Variants in SLC24A2 observed in about 807,000 individuals in gnomAD.
The protein encoded by SLC24A2 is solute carrier family 24 member 2.
In SLC24A2, 36 loss-of-function variants were observed where a neutral mutation model predicts 62.0. That is an observed-to-expected ratio of 0.58 (90% CI 0.44 to 0.77). The LOEUF is 0.77. Ranked by LOEUF, SLC24A2 falls within the 30% of genes least tolerant of loss-of-function variation. SLC24A2 has a pLI of 0.00. For synonymous variants in SLC24A2, 358 were observed against 294.0 expected (o/e 1.22, Z -2.23); for missense variants, 846 against 817.9 (o/e 1.03, Z -0.42).
At chr9:19,898,219 C>G in the SLC24A2 span, among the ~76,000 whole-genome samples, 2 of 152,194 alleles carry the variant, frequency 1.3e-5, no homozygotes, top group Non-Finnish European at 2.9e-5. Flanking sequence ...GTGGAAGGGT[C>G]TGTGGATGCT....
the SLC24A2 span, among the ~76,000 whole-genome samples, chr9:19,960,155 A>C: frequency 6.6e-6 from 1 of 152,144 alleles, no homozygotes; most frequent in Non-Finnish European, 1.5e-5. Flanking sequence ...AACCAAAGTA[A>C]GAAATGCATT....
At chr9:20,091,348 T>G in the SLC24A2 span, among the ~76,000 whole-genome samples, 1 of 152,062 alleles carries the variant, frequency 6.6e-6, no homozygotes. Context: ...ATTCAGGAAA[T>G]ACAGGGAACC....
intron 3 of SLC24A2, 75 bp from the exon 4 acceptor site, chr9:19,619,767 A>G: frequency 9.2e-7 from 1 of 1,088,158 alleles, no homozygotes; most frequent in Non-Finnish European, 1.4e-6. Flanking sequence ...ATCCTCACCT[A>G]GTCTGGTGGC....
chr9:20,207,603 C>T, the SLC24A2 span, among the ~76,000 whole-genome samples: 1 of 152,244 alleles, frequency 6.6e-6, no homozygotes, highest in African/African-American at 2.4e-5. Context: ...GACTGTCTCA[C>T]ACCTTTTTGT....
chr9:19,988,611 A>C, the SLC24A2 span, among the ~76,000 whole-genome samples: 1 of 152,178 alleles, frequency 6.6e-6, no homozygotes, highest in East Asian at 1.9e-4. Flanking sequence ...ATCTGGCTTG[A>C]ATAGGAAGAG....
At chr9:20,260,421 T>C in the SLC24A2 span, among the ~76,000 whole-genome samples, 11,081 of 152,284 alleles carry the variant, frequency 0.073, 713 homozygotes, top group African/African-American at 0.18. Flanking sequence ...AGAAAGTTAA[T>C]GGGAAATAAT....
the SLC24A2 span, among the ~76,000 whole-genome samples, chr9:20,283,640 G>A: frequency 6.6e-6 from 1 of 151,284 alleles, no homozygotes; most frequent in East Asian, 2.0e-4. Context: ...AAGTTCCAGA[G>A]CAAGAATGGA....
intron 2 of SLC24A2, among the ~76,000 whole-genome samples, chr9:19,683,159 T>C (rs1235807240): frequency 3.3e-5 from 5 of 152,112 alleles, no homozygotes; most frequent in Admixed American, 1.3e-4. Flanking sequence ...ACATTAACTA[T>C]TGAACACTTA....
intron 1 of SLC24A2, 46 bp from the exon 2 acceptor site, chr9:19,787,065 T>C: frequency 7.5e-7 from 1 of 1,330,014 alleles, no homozygotes; most frequent in Non-Finnish European, 9.7e-7. Context: ...TAAAATCACG[T>C]CTTTTTAATA....
At chr9:20,149,690 T>C in the SLC24A2 span, among the ~76,000 whole-genome samples, 23 of 152,084 alleles carry the variant, frequency 1.5e-4, no homozygotes, top group Admixed American at 3.3e-4. Context: ...ATTACTTTTC[T>C]TTTGACTTTT....
rs77085643 is a variant in SLC24A2, at chr9:19,701,264, T to C, written c.931-78965A>G. On this transcript the variant is annotated intron_variant, in intron 2 of 10. Transcript: ENST00000341998. ...AAGGAAGAGGCAGATAAAAGACATA[T>C]TGTAGCGGAATCCGCTAGTGCCCAG... Among the ~76,000 whole-genome samples, 1,354 of 152,324 alleles carry C rather than the reference T, an allele frequency of 8.9e-3. 64 individuals are homozygous for C. The East Asian group carries it at 0.15, about 17-fold the overall frequency.
the SLC24A2 span, among the ~76,000 whole-genome samples, chr9:20,294,803 C>T: frequency 3.9e-5 from 6 of 152,042 alleles, no homozygotes; most frequent in African/African-American, 1.2e-4. Flanking sequence ...GTGACAGAAG[C>T]ACAGTACAAA....
rs1836788833 is a variant in SLC24A2 at position 19,599,492 on chromosome 9, C to T, written c.1079-2213G>A. On this transcript the variant is annotated intron_variant, in intron 4 of 10. Transcript: ENST00000341998. The surrounding 1 kb of genome is among the most constrained non-coding windows in gnomAD (Gnocchi z 4.5). Reference sequence around the variant, plus strand: ...ATGGTATCTGCCCAAACAAAGAGAACCATGTTTACAGTTTACTGAAGAAAA... The same window carrying T: ...ATGGTATCTGCCCAAACAAAGAGAATCATGTTTACAGTTTACTGAAGAAAA... Among the ~76,000 whole-genome samples the T allele has an allele frequency of 6.6e-6, 1 of 152,140 alleles. No individual in the cohort carries two copies. Among genetic ancestry groups the T allele is most frequent in the African/African-American group, 2.4e-5 (1 of 41,420 alleles).
At chr9:20,031,863 C>T in the SLC24A2 span, among the ~76,000 whole-genome samples, 6 of 151,908 alleles carry the variant, frequency 3.9e-5, no homozygotes, top group South Asian at 8.3e-4. Context: ...AACAACAGCA[C>T]GAGAGAAAGA....
the SLC24A2 span, among the ~76,000 whole-genome samples, chr9:20,114,711 T>G: frequency 6.6e-6 from 1 of 152,232 alleles, no homozygotes; most frequent in East Asian, 1.9e-4. Flanking sequence ...CACCAACCAG[T>G]GGGGTCACGC....
the SLC24A2 span, among the ~76,000 whole-genome samples, chr9:20,176,184 A>G: frequency 6.6e-6 from 1 of 152,054 alleles, no homozygotes; most frequent in Admixed American, 6.6e-5. Flanking sequence ...CATGAAGCTC[A>G]GATTTGTTAG....
the SLC24A2 span, among the ~76,000 whole-genome samples, chr9:19,884,001 T>C: frequency 9.9e-5 from 15 of 152,222 alleles, no homozygotes; most frequent in African/African-American, 3.6e-4. Context: ...CCTGCTAGAC[T>C]GAAGTGATCT....
the SLC24A2 span, among the ~76,000 whole-genome samples, chr9:20,049,618 C>G: frequency 1.5e-5 from 1 of 66,364 alleles, no homozygotes; most frequent in South Asian, 5.6e-4. Flanking sequence ...AACATTTAAT[C>G]CAGGTGACTG....
chr9:20,063,732 G>A, the SLC24A2 span, among the ~76,000 whole-genome samples: 1 of 152,080 alleles, frequency 6.6e-6, no homozygotes, highest in Non-Finnish European at 1.5e-5. Flanking sequence ...ATTAGAAAAT[G>A]AGCAAAATAA....
Sources: gnomAD v4.1 joint callset for allele counts (sites outside exome capture counted in the v4.1 genomes callset) on GRCh38, gnomAD v4.1.1 for gene constraint, Gnocchi (gnomAD v3.1) non-coding constraint, MANE v1.5 for transcripts, NCBI Gene and HGNC (gene_info 2026-07-23, HGNC 2026-07-21) for gene names.